Variants in FBXO10 observed in about 807,000 individuals in gnomAD.
FBXO10 encodes F-box only protein 10.
A neutral mutation model predicts 80.7 loss-of-function variants in FBXO10; 39 were observed. The ratio of observed to expected loss-of-function variants is 0.48; its 90% confidence interval spans 0.37 to 0.63. FBXO10 has a LOEUF of 0.63. Among genes scored for constraint, FBXO10 ranks in the 30% least tolerant of loss-of-function variants. The pLI is 0.00. For synonymous variants in FBXO10, 449 were observed against 489.6 expected, an observed-to-expected ratio of 0.92 and a Z score of 1.09; for missense variants, 1,025 against 1,269.0, an observed-to-expected ratio of 0.81 and a Z score of 2.92.
chr9:37,548,330 A>G (rs954938507), intron 1 of FBXO10, among the ~76,000 whole-genome samples: 1 of 151,600 alleles, frequency 6.6e-6, no homozygotes, highest in Non-Finnish European at 1.5e-5. Context: ...GGTTGCAGTG[A>G]GCTGAGATTG....
chr9:37,552,261 G>A (rs1345551128), intron 1 of FBXO10, among the ~76,000 whole-genome samples: 2 of 152,226 alleles, frequency 1.3e-5, no homozygotes, highest in Non-Finnish European at 2.9e-5. Context: ...TGCATTATCC[G>A]TTTCCAAGTT....
chr9:37,513,004 T>C (rs1588815590), intron 10 of FBXO10, among the ~76,000 whole-genome samples: 1 of 152,224 alleles, frequency 6.6e-6, no homozygotes, highest in Admixed American at 6.5e-5. Flanking sequence ...GACACTCTGT[T>C]GCCCAGGCTG....
intron 10 of FBXO10, 46 bp from the exon 11 acceptor site, chr9:37,512,767 G>A (rs773635003): frequency 6.3e-7 from 1 of 1,582,118 alleles, no homozygotes; most frequent in South Asian, 1.2e-5. Context: ...GGGGTGTGCA[G>A]TGCTGGCTGA....
chr9:37,522,631 T>G, intron 7 of FBXO10, 194 bp downstream of exon 7: 1 of 1,222,054 alleles, frequency 8.2e-7, no homozygotes, highest in Non-Finnish European at 1.1e-6. Flanking sequence ...CCCCACGGGG[T>G]CAATCTGGAC....
chr9:37,556,443 A>G (rs566176899), intron 1 of FBXO10, among the ~76,000 whole-genome samples: 174 of 151,518 alleles, frequency 1.1e-3, no homozygotes, highest in African/African-American at 3.9e-3. Context: ...TCCCAGGACC[A>G]TTTGTTAAAA....
In FBXO10 at chr9:37,515,363, GTGACTGAC is replaced by G. The variant is rs1471515192; in HGVS notation, c.2696+533_2696+540del. 3 of 152,992 alleles carry G rather than the reference GTGACTGAC, an allele frequency of 2.0e-5. 1 individual carries two copies. Among genetic ancestry groups the G allele is most frequent in the African/African-American group, 7.2e-5 (3 of 41,560 alleles). The allele number at this position is 152,992 out of a possible 1,614,324, so 9.5% of individuals were successfully genotyped here. A position where few individuals can be genotyped will look rare whatever the true frequency, so the allele number is the denominator to read the frequency against. The stretch of plus-strand genomic sequence containing the variant: ...TTAGAAGCAGAATCAACAAGACCTG[GTGACTGAC>G]TGACTGGACATCTTCGGATTAGGGA... On this transcript the variant is annotated intron_variant, in intron 10 of 10. Coordinates refer to ENST00000432825, the MANE Select transcript of FBXO10 (RefSeq NM_012166.3).
chr9:37,527,964 A>G (rs1378500167), intron 5 of FBXO10, among the ~76,000 whole-genome samples: 1 of 152,216 alleles, frequency 6.6e-6, no homozygotes, highest in African/African-American at 2.4e-5. Context: ...GCATATCGAA[A>G]TACTGGAATA....
intron 6 of FBXO10, among the ~76,000 whole-genome samples, chr9:37,523,540 G>C (rs1033436073): frequency 6.6e-6 from 1 of 152,092 alleles, no homozygotes; most frequent in Non-Finnish European, 1.5e-5. Context: ...ATGACAGACT[G>C]AGACCCTGCC....
At chr9:37,572,751 G>A (rs1295898245) in intron 1 of FBXO10, among the ~76,000 whole-genome samples, 2 of 152,164 alleles carry the variant, frequency 1.3e-5, no homozygotes, top group African/African-American at 4.8e-5. Context: ...TTCTTGACAT[G>A]TTGGTGATTA....
chr9:37,549,932 T>C (rs1486148935), intron 1 of FBXO10, among the ~76,000 whole-genome samples: 2 of 152,150 alleles, frequency 1.3e-5, no homozygotes, highest in Non-Finnish European at 2.9e-5. Context: ...AATTCACTGG[T>C]GGTAACGAAA....
At chr9:37,562,536 T>C (rs1373999364) in intron 1 of FBXO10, among the ~76,000 whole-genome samples, 1 of 152,176 alleles carries the variant, frequency 6.6e-6, no homozygotes, top group Non-Finnish European at 1.5e-5. Context: ...TTATTGTCTG[T>C]CTCCCCTGAG....
intron 5 of FBXO10, among the ~76,000 whole-genome samples, chr9:37,526,598 A>G (rs1022716184): frequency 3.3e-5 from 5 of 152,128 alleles, no homozygotes; most frequent in South Asian, 2.1e-4. Flanking sequence ...ACAAATTTCT[A>G]TCTTTCAGTT....
chr9:37,530,562 T>C (rs530802784), intron 4 of FBXO10, among the ~76,000 whole-genome samples: 12 of 152,312 alleles, frequency 7.9e-5, no homozygotes, highest in African/African-American at 2.9e-4. Flanking sequence ...AGCTGCATGG[T>C]AGAAACACAG....
intron 1 of FBXO10, among the ~76,000 whole-genome samples, chr9:37,558,704 G>A (rs1822398077): frequency 6.6e-6 from 1 of 151,976 alleles, no homozygotes. Context: ...AATAATTAAT[G>A]TATCACCCAT....
intron 4 of FBXO10, 30 bp downstream of exon 4, chr9:37,531,879 C>G: frequency 6.2e-7 from 1 of 1,606,880 alleles, no homozygotes; most frequent in South Asian, 1.1e-5. Context: ...AACCAAGAGT[C>G]ACCCTGAATA....
At chr9:37,534,223 G>GT (rs1284146855) in intron 3 of FBXO10, among the ~76,000 whole-genome samples, 1 of 152,144 alleles carries the variant, frequency 6.6e-6, no homozygotes, top group Non-Finnish European at 1.5e-5. Context: ...ACAAAATTCT[G>GT]TGAAGACTAA....
chr9:37,527,961 G>A (rs535629772), intron 5 of FBXO10, among the ~76,000 whole-genome samples: 5 of 152,230 alleles, frequency 3.3e-5, no homozygotes, highest in African/African-American at 9.6e-5. Flanking sequence ...ATGGCATATC[G>A]AAATACTGGA....
At chr9:37,548,201 G>A (rs1002650022) in intron 1 of FBXO10, among the ~76,000 whole-genome samples, 1 of 151,712 alleles carries the variant, frequency 6.6e-6, no homozygotes, top group Non-Finnish European at 1.5e-5. Flanking sequence ...CCTGGCCAAC[G>A]TGGTGAAACC....
At position 37,522,900 on chromosome 9, in the gene FBXO10, T is replaced by A; in HGVS notation, c.1855A>T (p.Ile619Phe). 1.3e-6 allele frequency: 2 copies of A among 1,572,298 alleles called. No homozygotes were observed. Among genetic ancestry groups the A allele is most frequent in the Non-Finnish European group, 1.7e-6 (2 of 1,158,808 alleles). The change falls in exon 7 of 11, where the codon ATC becomes TTC. Residue 619 changes from isoleucine (I) to phenylalanine (F), a missense_variant. Ile to Phe is a conservative substitution (Grantham distance 21). Around this residue, in one of 3 missense-constraint regions of FBXO10, gnomAD observed 478 missense variants for 667.8 expected, o/e 0.72. Coordinates refer to ENST00000432825, the MANE Select transcript of FBXO10 (RefSeq NM_012166.3). Reference protein sequence around the residue: ...GGIPVLRSNLICFGYSDGVVV... With the variant: ...GGIPVLRSNLFCFGYSDGVVV... ...ACACCATCTGAATAGCCAAAGCAGA[T>A]GAGGTTACTCCTGAGAACGGGGATC...
Sources: allele counts gnomAD v4.1 joint callset (sites outside exome capture counted in the v4.1 genomes callset), GRCh38; gene constraint gnomAD v4.1.1; regional missense constraint gnomAD v4.1.1; transcripts MANE v1.5; gene names NCBI Gene and HGNC (gene_info 2026-07-23, HGNC 2026-07-21).